CADPS: variants seen among roughly 807,000 people sequenced by gnomAD.
The protein encoded by CADPS is calcium-dependent secretion activator 1.
CADPS carries 57 observed loss-of-function variants against 167.3 expected under a neutral mutation model. The ratio of observed to expected loss-of-function variants is 0.34; its 90% confidence interval spans 0.28 to 0.42. The LOEUF (loss-of-function observed/expected upper bound fraction) is 0.42. CADPS is among the 20% of genes least tolerant of loss of function. The pLI is 1.00. For missense variants in CADPS, 1,414 were observed against 1,738.1 expected (o/e 0.81, Z 3.32); for synonymous variants, 676 against 635.3 (o/e 1.06, Z -0.96).
chr3:62,567,915 G>A (rs753844506), intron 9 of CADPS, among the ~76,000 whole-genome samples: 4 of 152,030 alleles, frequency 2.6e-5, no homozygotes, highest in East Asian at 3.9e-4. Flanking sequence ...CATTTACATT[G>A]TATGCTCTTT....
chr3:62,778,777 A>G (rs1377115167), intron 1 of CADPS, among the ~76,000 whole-genome samples: 2 of 152,270 alleles, frequency 1.3e-5, no homozygotes, highest in Non-Finnish European at 2.9e-5. Context: ...ACACTTGCTG[A>G]ACGAACTCAA....
At chr3:62,699,691 C>T (rs2081035883) in intron 3 of CADPS, among the ~76,000 whole-genome samples, 1 of 152,120 alleles carries the variant, frequency 6.6e-6, no homozygotes, top group Non-Finnish European at 1.5e-5. Context: ...GCCTCAGCTT[C>T]CTGAGTAGCT....
At chr3:62,652,875 T>C (rs755363018) in intron 4 of CADPS, among the ~76,000 whole-genome samples, 19 of 152,206 alleles carry the variant, frequency 1.2e-4, no homozygotes, top group Admixed American at 7.2e-4. Flanking sequence ...CCCCACCCAC[T>C]GTTAGTTAAA....
At chr3:62,402,295 G>T (rs1706649974) in intron 29 of CADPS, among the ~76,000 whole-genome samples, 2 of 149,132 alleles carry the variant, frequency 1.3e-5, no homozygotes, top group South Asian at 4.3e-4. Context: ...AAACTGTTAA[G>T]AAATAGACAT....
At chr3:62,474,382 A>T in intron 23 of CADPS, 62 bp from the exon 24 acceptor site, 1 of 1,510,660 alleles carries the variant, frequency 6.6e-7, no homozygotes, top group South Asian at 1.1e-5. Flanking sequence ...TGGAGGAGAT[A>T]TTTTCTGAGA....
intron 8 of CADPS, among the ~76,000 whole-genome samples, chr3:62,580,550 C>T (rs1198610502): frequency 6.8e-6 from 1 of 147,096 alleles, no homozygotes; most frequent in Non-Finnish European, 1.5e-5. Context: ...CTAACCTGCA[C>T]ATTGTGCACA....
At chr3:62,851,625 G>A (rs2078607739) in intron 1 of CADPS, among the ~76,000 whole-genome samples, 2 of 137,738 alleles carry the variant, frequency 1.5e-5, no homozygotes, top group Non-Finnish European at 3.2e-5. Context: ...TGGCTTGTAG[G>A]GTTTCTGCCG....
intron 6 of CADPS, among the ~76,000 whole-genome samples, chr3:62,612,589 C>T (rs1252045422): frequency 6.6e-6 from 1 of 152,190 alleles, no homozygotes; most frequent in Non-Finnish European, 1.5e-5. Context: ...GTAAGGGACT[C>T]ATTGCTGAAG....
chr3:62,482,984 T>A (rs887324922), intron 21 of CADPS, among the ~76,000 whole-genome samples: 19 of 151,962 alleles, frequency 1.3e-4, no homozygotes, highest in Non-Finnish European at 2.6e-4. Context: ...CCAACTTGAA[T>A]CAACTGTATT....
chr3:62,650,736 T>A, intron 5 of CADPS, 111 bp downstream of exon 5: 1 of 723,124 alleles, frequency 1.4e-6, no homozygotes, highest in African/African-American at 1.8e-5. Context: ...GCTGTTATTT[T>A]AATAACTGCT....
chr3:62,727,837 C>T (rs1010886604), intron 3 of CADPS, among the ~76,000 whole-genome samples: 7 of 151,858 alleles, frequency 4.6e-5, no homozygotes, highest in Non-Finnish European at 1.0e-4. Flanking sequence ...ACTTAGCTCA[C>T]TTATACCCAG....
In CADPS at chr3:62,565,079, T is replaced by C. The variant is rs547054932; in HGVS notation, c.1644+5793A>G. ...AGCAGTGCTCTATGGAATTGGCACCTTTATCATTAGTGTTGATTTGGTCAC... is the reference window on the plus strand; with the variant it reads ...AGCAGTGCTCTATGGAATTGGCACCCTTATCATTAGTGTTGATTTGGTCAC... On this transcript the variant is annotated intron_variant, in intron 9 of 29. Transcript: ENST00000383710. Among the ~76,000 whole-genome samples, 124 of 152,314 alleles carry C rather than the reference T, an allele frequency of 8.1e-4. 2 individuals are homozygous for C. The highest frequency in any genetic ancestry group is 2.9e-3 in the African/African-American group (119 of 41,582).
intron 3 of CADPS, among the ~76,000 whole-genome samples, chr3:62,683,987 C>T (rs936738951): frequency 6.6e-6 from 1 of 151,994 alleles, no homozygotes; most frequent in Non-Finnish European, 1.5e-5. Flanking sequence ...GCAAAGGTTT[C>T]CAGATTTCTT....
intron 7 of CADPS, among the ~76,000 whole-genome samples, chr3:62,590,969 C>T (rs1448007472): frequency 6.6e-6 from 1 of 152,108 alleles, no homozygotes; most frequent in African/African-American, 2.4e-5. Flanking sequence ...ATTCTCCTGC[C>T]TCAGCCTCCT....
Position 62,559,937 on chromosome 3 carries a change from T to G in CADPS, c.1645-2424A>C, listed in dbSNP as rs117739660. 4.3e-3 allele frequency among the ~76,000 whole-genome samples: 662 copies of G among 152,284 alleles called. 23 individuals carry two copies. In the East Asian group the frequency reaches 0.048, roughly 11 times the overall value. ...CAACAGAAGGGTGTTATTTCAAGAT[T>G]TATGCATTTACTATTACTACATGGT... is the stretch of plus-strand genomic sequence containing the variant. On this transcript the variant is annotated intron_variant, in intron 9 of 29. Coordinates refer to ENST00000383710, the MANE Select transcript of CADPS (RefSeq NM_003716.4).
chr3:62,778,405 A>C (rs1240059374), intron 1 of CADPS, among the ~76,000 whole-genome samples: 1 of 152,226 alleles, frequency 6.6e-6, no homozygotes, highest in African/African-American at 2.4e-5. Context: ...ATGCTATTTA[A>C]AAGCCTTTCT....
At chr3:62,596,250 C>A (rs1275444047) in intron 6 of CADPS, among the ~76,000 whole-genome samples, 2 of 149,068 alleles carry the variant, frequency 1.3e-5, no homozygotes, top group African/African-American at 5.0e-5. Flanking sequence ...GGCTGGAGTG[C>A]AGTGGCATGA....
At chr3:62,492,574 G>A (rs1009140492) in intron 19 of CADPS, 128 bp from the exon 20 acceptor site, 3 of 924,634 alleles carry the variant, frequency 3.2e-6, no homozygotes, top group Non-Finnish European at 5.0e-6. Flanking sequence ...TAATTTTATT[G>A]TAAAGAGAAC....
chr3:62,869,312 C>T (rs2153220902), intron 1 of CADPS, among the ~76,000 whole-genome samples: 1 of 152,142 alleles, frequency 6.6e-6, no homozygotes, highest in East Asian at 1.9e-4. Context: ...GTACCAGTCT[C>T]TTCACTTACA....
Sources: gnomAD v4.1 joint callset for allele counts (sites outside exome capture counted in the v4.1 genomes callset) on GRCh38, gnomAD v4.1.1 for gene constraint, MANE v1.5 for transcripts, NCBI Gene and HGNC (gene_info 2026-07-23, HGNC 2026-07-21) for gene names.